CCDC171: variants seen among roughly 807,000 people sequenced by gnomAD.
CCDC171 encodes coiled-coil domain containing 171, also known as coiled-coil domain-containing protein 171.
In CCDC171, 177 loss-of-function variants were observed where a neutral mutation model predicts 168.2. That is an observed-to-expected ratio of 1.05 (90% confidence interval 0.93 to 1.19). The LOEUF is 1.19. Ranked by LOEUF, CCDC171 falls within the 50% of genes most tolerant of loss-of-function variation. CCDC171 has a pLI of 0.00. For missense variants in CCDC171, 1,991 were observed against 1,539.0 expected, an observed-to-expected ratio of 1.29 and a Z score of -4.91; for synonymous variants, 687 against 540.8, an observed-to-expected ratio of 1.27 and a Z score of -3.75.
chr9:15,915,380 A>G (rs943818813), intron 24 of CCDC171, among the ~76,000 whole-genome samples: 3 of 147,908 alleles, frequency 2.0e-5, no homozygotes, highest in African/African-American at 7.4e-5. Context: ...TTTTATAGCT[A>G]TTGGGAATTG....
At chr9:15,767,567 A>T (rs1445277857) in intron 18 of CCDC171, among the ~76,000 whole-genome samples, 3 of 152,022 alleles carry the variant, frequency 2.0e-5, no homozygotes, top group Non-Finnish European at 2.9e-5. Flanking sequence ...AGGGATTAGA[A>T]TGTGGACATC....
chr9:16,085,983 T>C, the CCDC171 span, among the ~76,000 whole-genome samples: 7 of 152,198 alleles, frequency 4.6e-5, no homozygotes, highest in Non-Finnish European at 8.8e-5. Context: ...TCTCATAAAA[T>C]GAGTTAGGGA....
At chr9:15,782,966 T>C (rs991462560) in intron 20 of CCDC171, among the ~76,000 whole-genome samples, 16 of 152,156 alleles carry the variant, frequency 1.1e-4, no homozygotes, top group Non-Finnish European at 1.9e-4. Flanking sequence ...CTCATTAATT[T>C]ATATTAACTT....
intron 23 of CCDC171, among the ~76,000 whole-genome samples, chr9:15,873,539 T>G (rs965104917): frequency 7.2e-5 from 11 of 151,994 alleles, no homozygotes; most frequent in African/African-American, 2.7e-4. Context: ...TAGATAAAAT[T>G]TTAAAACCTA....
chr9:16,068,841 C>A, the CCDC171 span, among the ~76,000 whole-genome samples: 1 of 151,968 alleles, frequency 6.6e-6, no homozygotes, highest in African/African-American at 2.4e-5. Context: ...AATTATAATC[C>A]TTTCTTAAAC....
chr9:15,820,827 C>T (rs557047885), intron 21 of CCDC171, among the ~76,000 whole-genome samples: 1 of 117,016 alleles, frequency 8.5e-6, no homozygotes, highest in East Asian at 2.2e-4. Context: ...TCCTCCCTAA[C>T]TCATTTTATG....
chr9:16,036,208 T>A (rs753716767), intron 8 of CCDC171: 2 of 152,132 alleles, frequency 1.3e-5, no homozygotes, highest in Non-Finnish European at 2.9e-5. Context: ...TGGCCCAAGG[T>A]GAGAAAGACA....
intron 3 of CCDC171, among the ~76,000 whole-genome samples, chr9:15,994,152 G>A (rs942488136): frequency 6.7e-6 from 1 of 148,358 alleles, no homozygotes; most frequent in African/African-American, 2.6e-5. Context: ...GTTTATTGCA[G>A]TATAATCGCA....
At chr9:15,598,442 C>T (rs1587286942) in intron 6 of CCDC171, among the ~76,000 whole-genome samples, 1 of 152,166 alleles carries the variant, frequency 6.6e-6, no homozygotes, top group South Asian at 2.1e-4. Flanking sequence ...GTTCAGTTTC[C>T]ATGTAGTTGA....
intron 24 of CCDC171, among the ~76,000 whole-genome samples, chr9:15,909,943 A>G (rs927693735): frequency 6.6e-6 from 1 of 152,084 alleles, no homozygotes; most frequent in Non-Finnish European, 1.5e-5. Flanking sequence ...AGTGAACATC[A>G]TATCCTGACC....
At chr9:15,769,655 A>T (rs956573968) in intron 18 of CCDC171, among the ~76,000 whole-genome samples, 5 of 152,214 alleles carry the variant, frequency 3.3e-5, no homozygotes, top group Admixed American at 6.5e-5. Flanking sequence ...CATGAGAGTC[A>T]TCACTTACAT....
At chr9:16,039,675 C>T (rs1175233858), upstream of CCDC171, among the ~76,000 whole-genome samples, 1 of 152,144 alleles carries the variant, frequency 6.6e-6, no homozygotes. Flanking sequence ...GCGTCCCAGC[C>T]CATGGGAAAG....
chr9:16,007,429 T>C (rs1398378695), intron 3 of CCDC171, among the ~76,000 whole-genome samples: 2 of 152,230 alleles, frequency 1.3e-5, no homozygotes, highest in Non-Finnish European at 2.9e-5. Context: ...AGAAGCTCTT[T>C]AGTTTAATTA....
chr9:15,597,675 G>A lies in CCDC171; in HGVS notation c.675+3503G>A, dbSNP rs572678345. Reference sequence around the variant, plus strand: ...CTGGCCTCATAAAATGAGTTAGGGAGGATTCCCTCTTTTTCTATTGATTGG... The same window carrying A: ...CTGGCCTCATAAAATGAGTTAGGGAAGATTCCCTCTTTTTCTATTGATTGG... On this transcript the variant is annotated intron_variant, in intron 6 of 25. Coordinates refer to ENST00000380701, the MANE Select transcript of CCDC171 (RefSeq NM_173550.4). 1.3e-3 allele frequency among the ~76,000 whole-genome samples: 199 copies of A among 152,270 alleles called. 1 individual carries two copies. The highest frequency in any genetic ancestry group is 4.6e-3 in the African/African-American group (193 of 41,552).
chr9:15,882,979 A>AGCCT (rs764000852), intron 24 of CCDC171: 3,178 of 36,784 alleles, frequency 0.086, 400 homozygotes, highest in East Asian at 0.23. Context: ...GATAAAAGCC[A>AGCCT]GCCTGCCTGC....
At chr9:15,647,808 T>G (rs1298108001) in intron 7 of CCDC171, among the ~76,000 whole-genome samples, 1 of 152,212 alleles carries the variant, frequency 6.6e-6, no homozygotes, top group African/African-American at 2.4e-5. Flanking sequence ...AGCCGAATTC[T>G]GCCAGAGGTA....
At chr9:15,707,425 T>C (rs1161898237) in intron 11 of CCDC171, among the ~76,000 whole-genome samples, 1 of 152,270 alleles carries the variant, frequency 6.6e-6, no homozygotes, top group African/African-American at 2.4e-5. Context: ...TCTATTTTGC[T>C]TCATCTATTC....
At chr9:15,742,830 G>C (rs768869665) in intron 16 of CCDC171, among the ~76,000 whole-genome samples, 10 of 151,762 alleles carry the variant, frequency 6.6e-5, no homozygotes, top group Non-Finnish European at 7.4e-5. Flanking sequence ...ATAGAAACAG[G>C]GTCTTGCACT....
At chr9:15,565,661 GAGTTTTGTAA>G (rs1251069486) in intron 2 of CCDC171, among the ~76,000 whole-genome samples, 6 of 152,170 alleles carry the variant, frequency 3.9e-5, no homozygotes, top group Admixed American at 3.3e-4. Flanking sequence ...GCATATTCCT[GAGTTTTGTAA>G]AGTTGTAACA....
Sources: allele counts gnomAD v4.1 joint callset (sites outside exome capture counted in the v4.1 genomes callset), GRCh38; gene constraint gnomAD v4.1.1; transcripts MANE v1.5; gene names NCBI Gene and HGNC (gene_info 2026-07-23, HGNC 2026-07-21).